Variants in SPECC1 observed in about 807,000 individuals in gnomAD.
SPECC1 encodes the protein sperm antigen with calponin homology and coiled-coil domains 1.
SPECC1 carries 62 observed loss-of-function variants against 104.1 expected under a neutral mutation model. The ratio of observed to expected loss-of-function variants is 0.60; its 90% CI spans 0.49 to 0.74. SPECC1 has a LOEUF of 0.74. Ranked by LOEUF, SPECC1 falls within the 30% of genes least tolerant of loss-of-function variation. SPECC1 has a pLI of 0.00. For missense variants in SPECC1, 1,306 were observed against 1,310.5 expected (o/e 1.00, Z 0.05); for synonymous variants, 513 against 501.6 (o/e 1.02, Z -0.30).
chr17:20,272,551 C>T (rs183488014), intron 12 of SPECC1, among the ~76,000 whole-genome samples: 21 of 152,310 alleles, frequency 1.4e-4, no homozygotes, highest in Middle Eastern at 3.4e-3. Context: ...CCTCTTCCCC[C>T]AGCCTCTGGC....
chr17:20,313,529 G>A (rs754928384), intron 14 of SPECC1, among the ~76,000 whole-genome samples: 8 of 152,222 alleles, frequency 5.3e-5, no homozygotes, highest in Admixed American at 5.2e-4. Flanking sequence ...CCGCACAGTG[G>A]CACAGCAGCA....
At position 20,316,051 on chromosome 17, in the gene SPECC1, T is replaced by C. The variant is rs576848317; in HGVS notation, c.*1986T>C. On this transcript the variant is annotated 3_prime_UTR_variant, in exon 15 of 15. Coordinates refer to ENST00000395527, the MANE Select transcript of SPECC1 (RefSeq NM_001243439.2). ...CAGCCTGCGGGAGCTCCTGAGCAGCTGTTGGGCGATGGTCATTACATCACC... is the reference window on the plus strand; with the variant it reads ...CAGCCTGCGGGAGCTCCTGAGCAGCCGTTGGGCGATGGTCATTACATCACC... 19 of 232,734 alleles carry C rather than the reference T, an allele frequency of 8.2e-5. No individual in the cohort carries two copies. The highest frequency in any genetic ancestry group is 4.2e-4 in the African/African-American group (19 of 45,464). 14.4% of individuals were successfully genotyped at this position (232,734 alleles called of 1,614,324 possible). A position where few individuals can be genotyped will look rare whatever the true frequency, so the allele number is the denominator to read the frequency against.
intron 12 of SPECC1, among the ~76,000 whole-genome samples, chr17:20,279,893 C>T (rs916356795): frequency 5.3e-5 from 8 of 152,116 alleles, no homozygotes; most frequent in African/African-American, 1.9e-4. Flanking sequence ...AGCAGAGTGG[C>T]TGACACACGC....
chr17:20,112,402 G>A (rs990715472), intron 3 of SPECC1: 24 of 761,856 alleles, frequency 3.2e-5, no homozygotes, highest in Middle Eastern at 3.7e-4. Flanking sequence ...CTAAACCACC[G>A]GAGGATCATT....
chr17:20,148,639 G>C (rs1049987835), intron 3 of SPECC1, among the ~76,000 whole-genome samples: 3 of 151,526 alleles, frequency 2.0e-5, no homozygotes, highest in African/African-American at 4.8e-5. Context: ...AGTGCCTTGA[G>C]GTATAATTGT....
At chr17:20,294,322 G>T (rs560872094) in intron 12 of SPECC1, among the ~76,000 whole-genome samples, 2 of 152,336 alleles carry the variant, frequency 1.3e-5, no homozygotes, top group African/African-American at 4.8e-5. Context: ...GTACCAAGCA[G>T]CTGCTGGGGG....
intron 1 of SPECC1, among the ~76,000 whole-genome samples, chr17:20,032,935 C>T (rs774345556): frequency 1.1e-4 from 16 of 147,382 alleles, no homozygotes; most frequent in Middle Eastern, 3.5e-3. Flanking sequence ...CACACACGCG[C>T]GCACACACAC....
At chr17:20,065,534 A>C (rs2152475506) in intron 1 of SPECC1, among the ~76,000 whole-genome samples, 1 of 152,342 alleles carries the variant, frequency 6.6e-6, no homozygotes, top group South Asian at 2.1e-4. Context: ...AAGGGCATAG[A>C]GCTTCCACGC....
intron 1 of SPECC1, among the ~76,000 whole-genome samples, chr17:20,020,709 C>G (rs1430814796): frequency 6.6e-6 from 1 of 152,224 alleles, no homozygotes; most frequent in East Asian, 1.9e-4. Flanking sequence ...TTTATCATCA[C>G]TGGCCCATGC....
chr17:20,303,843 C>T (rs2041671392), intron 13 of SPECC1, among the ~76,000 whole-genome samples: 2 of 151,982 alleles, frequency 1.3e-5, no homozygotes, highest in East Asian at 1.9e-4. Flanking sequence ...GTCCCAGCTA[C>T]TAGGGAGGCT....
In SPECC1 at chr17:20,111,670, C is replaced by A. The variant is rs73299639; in HGVS notation, c.283+1108C>A. Among the ~76,000 whole-genome samples, 933 of 151,480 alleles carry A rather than the reference C, an allele frequency of 6.2e-3. 4 individuals carry two copies. The highest frequency in any genetic ancestry group is 0.02 in the African/African-American group (827 of 41,292). On this transcript the variant is annotated intron_variant, in intron 3 of 14. Coordinates refer to ENST00000395527, the MANE Select transcript of SPECC1 (RefSeq NM_001243439.2). ...CGAGTCCCGGGTGTGGGACAAATTG[C>A]GTGTGTGTGGTGTGTCCCCAAAAGC...
chr17:20,095,021 G>A (rs2047578086), intron 1 of SPECC1, among the ~76,000 whole-genome samples: 1 of 152,234 alleles, frequency 6.6e-6, no homozygotes, highest in Non-Finnish European at 1.5e-5. Flanking sequence ...TGATTCTGCA[G>A]TAATTGGTGA....
chr17:20,183,937 G>A (rs1374641947), intron 3 of SPECC1, among the ~76,000 whole-genome samples: 9 of 151,846 alleles, frequency 5.9e-5, no homozygotes, highest in Admixed American at 3.9e-4. Flanking sequence ...TTGGGAGGCC[G>A]AGGCAGGCGG....
intron 14 of SPECC1, among the ~76,000 whole-genome samples, chr17:20,313,521 G>A (rs569582907): frequency 2.6e-5 from 4 of 152,320 alleles, no homozygotes; most frequent in South Asian, 2.1e-4. Context: ...ATGGCAGCCC[G>A]CACAGTGGCA....
At chr17:20,044,921 C>G (rs991312190) in intron 1 of SPECC1, among the ~76,000 whole-genome samples, 42 of 152,212 alleles carry the variant, frequency 2.8e-4, no homozygotes, top group African/African-American at 9.2e-4. Flanking sequence ...CACGCACATG[C>G]GTGCATGTGT....
At chr17:20,035,307 C>G (rs1324986738) in intron 1 of SPECC1, among the ~76,000 whole-genome samples, 1 of 152,070 alleles carries the variant, frequency 6.6e-6, no homozygotes, top group Non-Finnish European at 1.5e-5. Context: ...ATGATCTTGT[C>G]TATATCTATG....
At chr17:20,215,178 T>C (rs1186782678) in intron 4 of SPECC1, among the ~76,000 whole-genome samples, 1 of 152,198 alleles carries the variant, frequency 6.6e-6, no homozygotes, top group Non-Finnish European at 1.5e-5. Context: ...CTTTAGAAGC[T>C]GTAGAAATAT....
chr17:20,049,682 T>C (rs982009786), intron 1 of SPECC1, among the ~76,000 whole-genome samples: 3 of 152,202 alleles, frequency 2.0e-5, no homozygotes, highest in African/African-American at 4.8e-5. Context: ...ATTTGGTTTG[T>C]ATGTAGGTGA....
At chr17:20,159,072 G>T (rs934914787) in intron 3 of SPECC1, among the ~76,000 whole-genome samples, 1 of 151,822 alleles carries the variant, frequency 6.6e-6, no homozygotes, top group Admixed American at 6.6e-5. Context: ...ATCCTCCCGA[G>T]TAGCTGAGAC....
Sources: allele counts gnomAD v4.1 joint callset (sites outside exome capture counted in the v4.1 genomes callset), GRCh38; gene constraint gnomAD v4.1.1; transcripts MANE v1.5; gene names NCBI Gene and HGNC (gene_info 2026-07-23, HGNC 2026-07-21).